EEFSEC: variants seen among roughly 807,000 people sequenced by gnomAD.
EEFSEC encodes eukaryotic elongation factor, selenocysteine-tRNA specific.
EEFSEC carries 43 observed loss-of-function variants against 42.1 expected under a neutral mutation model. That is an observed-to-expected ratio of 1.02 (90% CI 0.80 to 1.32). The LOEUF (loss-of-function observed/expected upper bound fraction) is 1.32, where lower values mean the gene tolerates loss of function less well. Among genes scored for constraint, EEFSEC ranks in the 40% most tolerant of loss-of-function variants. The pLI is 0.00. For missense variants in EEFSEC, 745 were observed against 803.6 expected, an observed-to-expected ratio of 0.93 and a Z score of 0.88; for synonymous variants, 354 against 339.1, an observed-to-expected ratio of 1.04 and a Z score of -0.48.
In EEFSEC at chr3:128,155,520, C is replaced by T. The variant is rs986412891; in HGVS notation, c.316+1697C>T. On this transcript the variant is annotated intron_variant, in intron 1 of 6. Transcript: ENST00000254730. ...TGTTTTGTTTTTAGAAAAAATGATA[C>T]AATAATATAAACACATGGTATAAAA... is the stretch of plus-strand genomic sequence containing the variant. Among the ~76,000 whole-genome samples, 4 of 152,058 alleles carry T rather than the reference C, an allele frequency of 2.6e-5. No individual in the cohort carries two copies. In the South Asian group the frequency reaches 8.3e-4, roughly 32 times the overall value.
At chr3:128,418,070 C>A in the EEFSEC span, among the ~76,000 whole-genome samples, 1 of 152,086 alleles carries the variant, frequency 6.6e-6, no homozygotes, top group African/African-American at 2.4e-5. Context: ...ATTCTGGACT[C>A]TAGGATGTGG....
chr3:128,223,979 AT>A (rs1328071790), intron 1 of EEFSEC, among the ~76,000 whole-genome samples: 19 of 32,426 alleles, frequency 5.9e-4, no homozygotes, highest in African/African-American at 1.9e-3. Flanking sequence ...ATCATGTTCC[AT>A]TTAAAAAAAA....
chr3:128,305,744 T>A (rs2066819088), intron 4 of EEFSEC, among the ~76,000 whole-genome samples: 1 of 152,204 alleles, frequency 6.6e-6, no homozygotes, highest in South Asian at 2.1e-4. Flanking sequence ...TGCAATTGCA[T>A]TTATCTATCA....
At chr3:128,356,063 G>C (rs999371328) in intron 5 of EEFSEC, among the ~76,000 whole-genome samples, 10 of 152,258 alleles carry the variant, frequency 6.6e-5, no homozygotes, top group Non-Finnish European at 1.3e-4. Flanking sequence ...GCTGTGGGCT[G>C]TGAGATGGAG....
downstream of EEFSEC, among the ~76,000 whole-genome samples, chr3:128,413,508 C>T (rs553510177): frequency 1.3e-5 from 2 of 152,294 alleles, no homozygotes; most frequent in African/African-American, 4.8e-5. Context: ...GCTGTCGGGC[C>T]GGCCCCGAAC....
intron 6 of EEFSEC, chr3:128,367,944 AC>A: frequency 2.7e-6 from 2 of 744,742 alleles, no homozygotes; most frequent in Non-Finnish European, 3.3e-6. Context: ...TCTTCCTCCC[AC>A]CACCCACTGG....
At chr3:128,334,395 ACCCTGACTGGCTGAGCC>A (rs894923474) in intron 4 of EEFSEC, among the ~76,000 whole-genome samples, 3 of 152,190 alleles carry the variant, frequency 2.0e-5, no homozygotes, top group Admixed American at 2.0e-4. Context: ...TGCTGCCAGC[ACCCTGACTGGCTGAGCC>A]CCGAGTCTGG....
Position 128,247,369 on chromosome 3 carries a change from T to C in EEFSEC, c.524+326T>C, listed in dbSNP as rs115047944. 4.5e-3 allele frequency among the ~76,000 whole-genome samples: 693 copies of C among 152,310 alleles called. 4 individuals carry two copies. The highest frequency in any genetic ancestry group is 0.015 in the African/African-American group (608 of 41,554). On this transcript the variant is annotated intron_variant, in intron 2 of 6. Coordinates refer to ENST00000254730, the MANE Select transcript of EEFSEC (RefSeq NM_021937.5). ...AGGCCTGGACTGGCAAGGGTTCAGATCCTTTCTACTTAGCTTGTCTTGATA... is the reference window on the plus strand; with the variant it reads ...AGGCCTGGACTGGCAAGGGTTCAGACCCTTTCTACTTAGCTTGTCTTGATA...
chr3:128,341,940 G>T lies in EEFSEC; in HGVS notation c.1443+51G>T, dbSNP rs370196613. 3.9e-5 allele frequency: 61 copies of T among 1,571,942 alleles called. No individual in the cohort carries two copies. In the East Asian group the frequency reaches 5.9e-4, roughly 15 times the overall value. The stretch of plus-strand genomic sequence containing the variant: ...CACCCCTTCCCTTCTTGCTCGGGCA[G>T]CTGGGATCCATGGCCTGACATCTGT... On this transcript the variant is annotated intron_variant, in intron 5 of 6. Transcript: ENST00000254730.
At chr3:128,222,115 C>G (rs1261580942) in intron 1 of EEFSEC, among the ~76,000 whole-genome samples, 2 of 145,338 alleles carry the variant, frequency 1.4e-5, no homozygotes, top group African/African-American at 5.2e-5. Context: ...CTCACTGCAA[C>G]CTCCCCCTCC....
chr3:128,278,709 T>TA (rs2066493209), intron 4 of EEFSEC, among the ~76,000 whole-genome samples: 1 of 152,188 alleles, frequency 6.6e-6, no homozygotes, highest in South Asian at 2.1e-4. Context: ...ACCCTCTTCT[T>TA]GTTCATGGTG....
intron 1 of EEFSEC, among the ~76,000 whole-genome samples, chr3:128,219,702 G>A (rs1409118344): frequency 3.3e-5 from 5 of 151,886 alleles, no homozygotes; most frequent in African/African-American, 1.2e-4. Context: ...ACTCCATGAG[G>A]ACAGGGACCT....
intron 6 of EEFSEC, among the ~76,000 whole-genome samples, chr3:128,391,760 G>C (rs997985093): frequency 7.9e-5 from 12 of 152,250 alleles, no homozygotes; most frequent in African/African-American, 2.7e-4. Context: ...CAGCATAGCG[G>C]CCCCACCTGG....
chr3:128,243,227 GAAC>G (rs1336004420), intron 1 of EEFSEC, among the ~76,000 whole-genome samples: 2 of 152,166 alleles, frequency 1.3e-5, no homozygotes. Context: ...TGGCCTTTTG[GAAC>G]AAAGACGGCT....
At chr3:128,232,327 C>G (rs1259343248) in intron 1 of EEFSEC, among the ~76,000 whole-genome samples, 1 of 151,198 alleles carries the variant, frequency 6.6e-6, no homozygotes, top group Non-Finnish European at 1.5e-5. Flanking sequence ...AGAAGGAAAA[C>G]GAGGGGAAAA....
At chr3:128,247,905 G>A (rs775001125) in intron 2 of EEFSEC, among the ~76,000 whole-genome samples, 7 of 152,154 alleles carry the variant, frequency 4.6e-5, no homozygotes, top group African/African-American at 7.2e-5. Flanking sequence ...GGTGGCTTGG[G>A]GAGATATCTA....
chr3:128,394,358 A>G (rs1039453000), intron 6 of EEFSEC, among the ~76,000 whole-genome samples: 2 of 152,176 alleles, frequency 1.3e-5, no homozygotes, highest in Non-Finnish European at 2.9e-5. Context: ...AACAGGGCTG[A>G]TACAGTAATC....
In EEFSEC at chr3:128,246,827, T is replaced by C. The variant is rs1460058910; in HGVS notation, c.317-9T>C. On this transcript the variant is annotated splice_polypyrimidine_tract_variant and intron_variant, in intron 1 of 6. Transcript: ENST00000254730. The stretch of plus-strand genomic sequence containing the variant: ...TTTCCCTTTCTAACCTTCTCTTCTC[T>C]TATTCCAGGGGCCCAGATCATTGAT... 2 of 1,613,336 alleles carry C rather than the reference T, an allele frequency of 1.2e-6. No individual in the cohort carries two copies. Among genetic ancestry groups the C allele is most frequent in the East Asian group, 4.5e-5 (2 of 44,876 alleles).
chr3:128,174,397 G>T (rs543869135), intron 1 of EEFSEC, among the ~76,000 whole-genome samples: 2 of 152,298 alleles, frequency 1.3e-5, no homozygotes, highest in South Asian at 4.1e-4. Context: ...TTTTCTTTTT[G>T]TATTTTGGAG....
Sources: gnomAD v4.1 joint callset for allele counts (sites outside exome capture counted in the v4.1 genomes callset) on GRCh38, gnomAD v4.1.1 for gene constraint, MANE v1.5 for transcripts, NCBI Gene and HGNC (gene_info 2026-07-23, HGNC 2026-07-21) for gene names.